The following BTBD9 variants were observed in gnomAD, a reference collection of about 807,000 sequenced individuals.
BTBD9 encodes the protein BTB/POZ domain-containing protein 9.
Under a neutral mutation model 64.3 loss-of-function variants are expected in BTBD9, and 49 were observed. The observed-to-expected ratio is 0.76, with a 90% CI of 0.61 to 0.97. The LOEUF (loss-of-function observed/expected upper bound fraction) is 0.97. Ranked by LOEUF, BTBD9 falls within the 50% of genes least tolerant of loss-of-function variation. The probability of loss-of-function intolerance (pLI) is 0.00; values close to 1 mark genes in which losing one functional copy is unlikely to be tolerated. For missense variants in BTBD9, 598 were observed against 762.1 expected (o/e 0.78, Z 2.53); for synonymous variants, 260 against 274.7 (o/e 0.95, Z 0.53).
chr6:38,500,844 A>G (rs1772163780), intron 6 of BTBD9, among the ~76,000 whole-genome samples: 4 of 152,218 alleles, frequency 2.6e-5, no homozygotes, highest in Admixed American at 2.6e-4. Context: ...GAGTGAATTC[A>G]GTTCCCAACT....
At chr6:38,422,891 G>C (rs74649800) in intron 6 of BTBD9, among the ~76,000 whole-genome samples, 1 of 152,040 alleles carries the variant, frequency 6.6e-6, no homozygotes, top group Admixed American at 6.6e-5. Flanking sequence ...CTTGAGGCCC[G>C]GAAGTCATGA....
intron 1 of BTBD9, among the ~76,000 whole-genome samples, chr6:38,619,029 G>T (rs149474130): frequency 6.6e-6 from 1 of 152,108 alleles, no homozygotes; most frequent in Non-Finnish European, 1.5e-5. Context: ...GGAGAATTAC[G>T]AAAAAGCCCA....
chr6:38,380,614 G>C (rs1276280447), intron 6 of BTBD9, among the ~76,000 whole-genome samples: 1 of 152,228 alleles, frequency 6.6e-6, no homozygotes, highest in Non-Finnish European at 1.5e-5. Context: ...AGGTATACTT[G>C]AGGCCAAGAG....
At chr6:38,191,509 G>A (rs1271521516) in intron 10 of BTBD9, among the ~76,000 whole-genome samples, 1 of 152,174 alleles carries the variant, frequency 6.6e-6, no homozygotes, top group Non-Finnish European at 1.5e-5. Flanking sequence ...TGCTCCCTCG[G>A]GCACAGGGAC....
intron 6 of BTBD9, among the ~76,000 whole-genome samples, chr6:38,423,361 G>A (rs1767994275): frequency 6.6e-6 from 1 of 152,056 alleles, no homozygotes; most frequent in Non-Finnish European, 1.5e-5. Context: ...CTGGAGTACA[G>A]TGGCACGATC....
intron 6 of BTBD9, among the ~76,000 whole-genome samples, chr6:38,439,520 G>A (rs1048442902): frequency 6.6e-5 from 10 of 150,548 alleles, no homozygotes; most frequent in Non-Finnish European, 1.0e-4. Flanking sequence ...TCTGCCTCCC[G>A]GGCTCAAGTG....
intron 10 of BTBD9, among the ~76,000 whole-genome samples, chr6:38,179,043 G>A (rs1453288381): frequency 6.6e-6 from 1 of 151,982 alleles, no homozygotes; most frequent in African/African-American, 2.4e-5. Flanking sequence ...AGTAGAGATG[G>A]GGTTTCACCA....
chr6:38,181,428 C>G (rs1761549385), intron 10 of BTBD9, among the ~76,000 whole-genome samples: 1 of 152,234 alleles, frequency 6.6e-6, no homozygotes, highest in African/African-American at 2.4e-5. Flanking sequence ...TTACACTCCC[C>G]TAAAGATCCC....
In BTBD9 at chr6:38,451,490, G is replaced by A. The variant is rs372275245; in HGVS notation, c.1155-106397C>T. On this transcript the variant is annotated intron_variant, in intron 6 of 10. Coordinates refer to ENST00000481247, the MANE Select transcript of BTBD9 (RefSeq NM_001099272.2). ...GCAATTTTTACAAACAGTTGTCTCAGACAGTACCCATTGTTACCTCTTATA... is the reference window on the plus strand; with the variant it reads ...GCAATTTTTACAAACAGTTGTCTCAAACAGTACCCATTGTTACCTCTTATA... Among the ~76,000 whole-genome samples the A allele has an allele frequency of 1.3e-4, 20 of 152,230 alleles. No homozygotes were observed. The South Asian group carries it at 4.1e-3, about 32-fold the overall frequency.
chr6:38,427,269 T>C (rs188397184), intron 6 of BTBD9, among the ~76,000 whole-genome samples: 1 of 151,302 alleles, frequency 6.6e-6, no homozygotes, highest in Non-Finnish European at 1.5e-5. Flanking sequence ...GCAGGAGGAT[T>C]GCTTGAGCCC....
intron 9 of BTBD9, among the ~76,000 whole-genome samples, chr6:38,206,914 T>C (rs539812171): frequency 6.6e-6 from 1 of 152,234 alleles, no homozygotes; most frequent in African/African-American, 2.4e-5. Context: ...CCATGTGTTA[T>C]ATTGGACAAG....
intron 7 of BTBD9, among the ~76,000 whole-genome samples, chr6:38,320,983 C>T (rs76756095): frequency 0.036 from 5,522 of 152,262 alleles, 360 homozygotes; most frequent in African/African-American, 0.13. Flanking sequence ...AAAGCAGTTC[C>T]TTCTGATCGA....
intron 8 of BTBD9, among the ~76,000 whole-genome samples, chr6:38,262,710 T>C (rs900503932): frequency 6.6e-6 from 1 of 152,230 alleles, no homozygotes; most frequent in Non-Finnish European, 1.5e-5. Context: ...GTCTTTAAAA[T>C]AGTTGCTCTC....
intron 6 of BTBD9, among the ~76,000 whole-genome samples, chr6:38,549,710 T>A (rs1018369124): frequency 6.6e-6 from 1 of 152,162 alleles, no homozygotes; most frequent in Non-Finnish European, 1.5e-5. Flanking sequence ...CTGCTTTCCT[T>A]TCTTTCACAA....
intron 1 of BTBD9, among the ~76,000 whole-genome samples, chr6:38,618,683 G>C (rs545672954): frequency 6.6e-6 from 1 of 152,322 alleles, no homozygotes; most frequent in East Asian, 1.9e-4. Flanking sequence ...AAGCAGATCA[G>C]GGTAGACCTG....
rs942166170 is a variant in BTBD9 at position 38,309,374 on chromosome 6, TAAAC to T, written c.1265-20917_1265-20914del. On this transcript the variant is annotated intron_variant, in intron 7 of 10. Transcript: ENST00000481247. ...ACGGAGTGAGATTCCATCTCCCAAA[TAAAC>T]AAACAAACAAACAAACAAAAAAACC... Among the ~76,000 whole-genome samples the T allele has an allele frequency of 5.4e-3, 809 of 150,488 alleles. 5 individuals are homozygous for T. The highest frequency in any genetic ancestry group is 0.018 in the African/African-American group (744 of 41,108).
At chr6:38,451,342 G>A (rs1484924187) in intron 6 of BTBD9, among the ~76,000 whole-genome samples, 3 of 152,178 alleles carry the variant, frequency 2.0e-5, no homozygotes, top group East Asian at 1.9e-4. Context: ...GTTCTTTGAA[G>A]ACAAGTGCTC....
Position 38,281,907 on chromosome 6 carries a change from A to G in BTBD9, c.1454+6365T>C, listed in dbSNP as rs531345454. On this transcript the variant is annotated intron_variant, in intron 8 of 10. Coordinates refer to ENST00000481247, the MANE Select transcript of BTBD9 (RefSeq NM_001099272.2). ...GTTCAAACCAATGTAAAAATTGTTA[A>G]TTTAACTGACTATCTTATAATTAGG... 4.6e-5 allele frequency among the ~76,000 whole-genome samples: 7 copies of G among 152,320 alleles called. No homozygotes were observed. In the South Asian group the frequency reaches 1.2e-3, roughly 27 times the overall value.
intron 7 of BTBD9, among the ~76,000 whole-genome samples, chr6:38,301,151 C>A (rs372289337): frequency 6.6e-6 from 1 of 152,240 alleles, no homozygotes; most frequent in Admixed American, 6.5e-5. Context: ...TGTTTATATG[C>A]TGGATTATGT....
Sources: allele counts gnomAD v4.1 joint callset (sites outside exome capture counted in the v4.1 genomes callset), GRCh38; gene constraint gnomAD v4.1.1; transcripts MANE v1.5; gene names NCBI Gene and HGNC (gene_info 2026-07-23, HGNC 2026-07-21).